Variants in NBPF14 observed in about 807,000 individuals in gnomAD.
NBPF14 encodes NBPF member 14.
In NBPF14, 104 loss-of-function variants were observed where a neutral mutation model predicts 91.2. The observed-to-expected ratio is 1.14, with a 90% CI of 0.97 to 1.34. NBPF14 has a LOEUF of 1.34. Ranked by LOEUF, NBPF14 falls within the 40% of genes most tolerant of loss-of-function variation. The pLI, the probability that NBPF14 is intolerant of heterozygous loss-of-function variation, is 0.00. For synonymous variants in NBPF14, 294 were observed against 303.8 expected, an observed-to-expected ratio of 0.97 and a Z score of 0.34; for missense variants, 908 against 783.0, an observed-to-expected ratio of 1.16 and a Z score of -1.91.
intron 69 of NBPF14, among the ~76,000 whole-genome samples, 179 bp downstream of exon 69, chr1:148,534,505 C>A (rs1350415285): frequency 5.3e-5 from 8 of 151,292 alleles, no homozygotes; most frequent in African/African-American, 9.8e-5. Context: ...TGCTCACTGA[C>A]CCATTTCATG....
intron 17 of NBPF14, 123 bp downstream of exon 17, chr1:148,575,516 G>A: frequency 1.3e-5 from 1 of 79,122 alleles, no homozygotes. Flanking sequence ...ACCTATATGC[G>A]CCCATAGGTC....
chr1:148,554,924 C>G (rs1656488660), intron 43 of NBPF14, among the ~76,000 whole-genome samples, 156 bp downstream of exon 43: 2 of 145,116 alleles, frequency 1.4e-5, no homozygotes, highest in South Asian at 4.4e-4. Context: ...TCTGGGCTTC[C>G]AAGTGGAACT....
intron 25 of NBPF14, among the ~76,000 whole-genome samples, chr1:148,568,877 TC>T (rs1435724850): frequency 6.8e-6 from 1 of 147,988 alleles, no homozygotes; most frequent in Non-Finnish European, 1.5e-5. Context: ...CCCTGTCTCA[TC>T]AAATACTCAG....
chr1:148,542,959 CACAGAGAG>C (rs1321101563), intron 58 of NBPF14, among the ~76,000 whole-genome samples: 150 of 19,178 alleles, frequency 7.8e-3, no homozygotes, highest in East Asian at 0.014. Context: ...CACACACACA[CACAGAGAG>C]AGAGAGAACG....
chr1:148,565,786 G>C (rs1658155422), intron 29 of NBPF14, among the ~76,000 whole-genome samples: 1 of 14,082 alleles, frequency 7.1e-5, no homozygotes, highest in Non-Finnish European at 1.4e-4. Flanking sequence ...TACTCAGATT[G>C]TTCATGGTTG....
At chr1:148,539,270 C>G in intron 63 of NBPF14, 140 bp downstream of exon 63, 2 of 631,888 alleles carry the variant, frequency 3.2e-6, no homozygotes, top group Non-Finnish European at 5.6e-6. Flanking sequence ...ACTACAGTTT[C>G]TTTACAACCT....
chr1:148,566,928 A>T lies in NBPF14; in HGVS notation c.3542+24T>A. ...AGTCTCCAGATGTCAACACAGAAGT[A>T]GCTGTTCACAATTGCTCAGTTACCT... On this transcript the variant is annotated intron_variant, in intron 28 of 70. Coordinates refer to ENST00000619423, the Ensembl canonical transcript of NBPF14. 7 of 272,360 alleles carry T rather than the reference A, an allele frequency of 2.6e-5. 1 individual carries two copies. Among genetic ancestry groups the T allele is most frequent in the South Asian group, 7.0e-5 (3 of 42,874 alleles). The allele number at this position is 272,360 out of a possible 1,614,324, so 16.9% of individuals were successfully genotyped here.
exon 71 of NBPF14, chr1:148,532,084 G>C (rs1329991521): frequency 4.6e-5 from 7 of 152,158 alleles, no homozygotes; most frequent in South Asian, 2.1e-4. Context: ...AATAACTAAA[G>C]AAATGCAGCT....
At chr1:148,533,762 T>A (rs1377967801) in intron 70 of NBPF14, 99 bp downstream of exon 70, 22 of 761,558 alleles carry the variant, frequency 2.9e-5, no homozygotes, top group South Asian at 2.7e-4. Flanking sequence ...TAATTCAGCC[T>A]TTGTTGAAAA....
At chr1:148,590,207 G>A (rs1459253183) in intron 6 of NBPF14, among the ~76,000 whole-genome samples, 18 of 138,276 alleles carry the variant, frequency 1.3e-4, no homozygotes, top group African/African-American at 3.1e-4. Context: ...CCACCACCAC[G>A]CCCAGCTATT....
At chr1:148,571,255 A>T (rs1434739057) in intron 22 of NBPF14, among the ~76,000 whole-genome samples, 1 of 87,250 alleles carries the variant, frequency 1.1e-5, no homozygotes. Context: ...ACACACACAC[A>T]CACACACACA....
rs1402077275 is a variant in NBPF14 at position 148,579,247 on chromosome 1, C to T, written c.1638-10G>A. 8.7e-6 allele frequency: 3 copies of T among 346,528 alleles called. No individual in the cohort carries two copies. Among genetic ancestry groups the T allele is most frequent in the Admixed American group, 6.0e-5 (1 of 16,624 alleles). The allele number at this position is 346,528 out of a possible 1,614,324, so 21.5% of individuals were successfully genotyped here. A position where few individuals can be genotyped will look rare whatever the true frequency, so the allele number is the denominator to read the frequency against. ...AGACTCCTGCAGATTCCTGATGAGC[C>T]AGGCAGGACAGGGATGATAGAAGAT... On this transcript the variant is annotated splice_polypyrimidine_tract_variant and intron_variant, in intron 12 of 70. Transcript: ENST00000619423.
At chr1:148,578,819 G>C (rs1660475872) in intron 13 of NBPF14, among the ~76,000 whole-genome samples, 1 of 149,956 alleles carries the variant, frequency 6.7e-6, no homozygotes, top group African/African-American at 2.4e-5. Context: ...CACCTGCCTT[G>C]AGTTCAATGT....
intron 14 of NBPF14, among the ~76,000 whole-genome samples, chr1:148,577,568 AC>A (rs1660096051): frequency 6.6e-6 from 1 of 150,782 alleles, no homozygotes; most frequent in Non-Finnish European, 1.5e-5. Context: ...ACACACACAC[AC>A]ACACACACTC....
At chr1:148,533,497 C>T (rs1257117176) in intron 70 of NBPF14, among the ~76,000 whole-genome samples, 1 of 151,554 alleles carries the variant, frequency 6.6e-6, no homozygotes, top group African/African-American at 2.4e-5. Context: ...AGTGAATTGG[C>T]CAGGTGACAT....
At chr1:148,533,761 C>T in intron 70 of NBPF14, 100 bp downstream of exon 70, 2 of 761,390 alleles carry the variant, frequency 2.6e-6, no homozygotes, top group Admixed American at 1.7e-5. Flanking sequence ...GTAATTCAGC[C>T]TTTGTTGAAA....
Position 148,559,422 on chromosome 1 carries a change from C to T in NBPF14, c.4730-350G>A, listed in dbSNP as rs1412274617. On this transcript the variant is annotated intron_variant, in intron 37 of 70. Transcript: ENST00000619423. ...ACTATTCACCCTGTCTCATCAAATA[C>T]TCAGATTGTTCATGGTAGCGAGGAT... is the stretch of plus-strand genomic sequence containing the variant. 6.0e-4 allele frequency among the ~76,000 whole-genome samples: 81 copies of T among 134,132 alleles called. 21 individuals carry two copies. The highest frequency in any genetic ancestry group is 2.8e-3 in the African/African-American group (79 of 28,252). 88.0% of individuals were successfully genotyped at this position (134,132 alleles called of 152,430 possible).
intron 34 of NBPF14, among the ~76,000 whole-genome samples, chr1:148,561,840 G>C (rs1417197108): frequency 7.3e-6 from 1 of 137,832 alleles, no homozygotes; most frequent in Non-Finnish European, 1.5e-5. Flanking sequence ...GAGAGAGAGA[G>C]AGAGAGAACG....
intron 6 of NBPF14, among the ~76,000 whole-genome samples, chr1:148,590,095 C>T (rs1407106555): frequency 1.6e-5 from 2 of 127,304 alleles, no homozygotes; most frequent in Non-Finnish European, 3.3e-5. Context: ...GTCTCCCAGG[C>T]TGGAGTGCAG....
Sources: allele counts gnomAD v4.1 joint callset (sites outside exome capture counted in the v4.1 genomes callset), GRCh38; gene constraint gnomAD v4.1.1; transcripts MANE v1.5; gene names NCBI Gene and HGNC (gene_info 2026-07-23, HGNC 2026-07-21).